NYNRIN: variants seen among roughly 807,000 people sequenced by gnomAD.
NYNRIN encodes the protein NYN domain and retroviral integrase containing, also known as protein NYNRIN.
Under a neutral mutation model 146.6 loss-of-function variants are expected in NYNRIN, and 86 were observed. That is an observed-to-expected ratio of 0.59 (90% CI 0.49 to 0.70). The LOEUF is 0.70. NYNRIN is among the 30% of genes least tolerant of loss of function. The pLI, the probability that NYNRIN is intolerant of heterozygous loss-of-function variation, is 0.00. For missense variants in NYNRIN, 2,191 were observed against 2,377.7 expected, an observed-to-expected ratio of 0.92 and a Z score of 1.63; for synonymous variants, 1,027 against 1,001.3, an observed-to-expected ratio of 1.03 and a Z score of -0.48.
At position 24,415,968 on chromosome 14, in the gene NYNRIN, C is replaced by T; in HGVS notation, c.4219C>T (p.His1407Tyr). 6.2e-7 allele frequency: 1 copy of T among 1,613,986 alleles called. No homozygotes were observed. Among genetic ancestry groups the T allele is most frequent in the Non-Finnish European group, 8.5e-7 (1 of 1,179,888 alleles). ...CTCCTCTGATGGGGCTCCACTCCCT[C>T]ACCCAAGCCTGCTCTCCTACATTAT... ...FLSSDGAPLP[H>Y]PSLLSYIISL... The change falls in exon 9 of 9, where the codon CAC becomes TAC. Residue 1407 changes from histidine to tyrosine, a missense_variant. Transcript: ENST00000382554.
intron 2 of NYNRIN, among the ~76,000 whole-genome samples, chr14:24,399,870 T>C (rs766125602): frequency 6.6e-6 from 1 of 152,198 alleles, no homozygotes; most frequent in Non-Finnish European, 1.5e-5. Flanking sequence ...CAGGTCCTTC[T>C]GTCTCCTTTT....
In NYNRIN at chr14:24,415,265, G is replaced by A. The variant is rs754257440; in HGVS notation, c.3516G>A (p.Thr1172=). ...LEVTVSHVAL[T]AILHQEHSGR... is the part of the protein sequence containing the mutation. ...TGACCGTGAGCCACGTGGCCCTGAC[G>A]GCCATCCTCCATCAGGAGCACTCAG... The change falls in exon 9 of 9, where the codon ACG becomes ACA. Residue 1172 remains threonine (T), a synonymous_variant. Transcript: ENST00000382554. The A allele has an allele frequency of 2.8e-5, 45 of 1,613,828 alleles. No homozygotes were observed. In the East Asian group the frequency reaches 8.7e-4, roughly 31 times the overall value.
chr14:24,404,624 G>C (rs1005961896), intron 2 of NYNRIN, among the ~76,000 whole-genome samples: 11 of 152,204 alleles, frequency 7.2e-5, no homozygotes, highest in Non-Finnish European at 1.3e-4. Context: ...GGGAGTGGAG[G>C]CTGTGGGCAA....
rs374730919 is a variant in NYNRIN, at chr14:24,415,596, C to G, written c.3847C>G (p.Arg1283Gly). The change falls in exon 9 of 9, where the codon CGC becomes GGC. Residue 1283 changes from arginine to glycine, a missense_variant. By Grantham distance (125) the Arg-to-Gly change is moderately radical. Around this residue, in one of 3 missense-constraint regions of NYNRIN, gnomAD observed 1,291 missense variants for 1,417.0 expected, o/e 0.91. Coordinates refer to ENST00000382554, the MANE Select transcript of NYNRIN (RefSeq NM_025081.3). ...CCTCCAGGGCCTGCTGGGGGAGAACCGCCTGCTCACCCCCGCGGCCTCCAT... is the reference window on the plus strand; with the variant it reads ...CCTCCAGGGCCTGCTGGGGGAGAACGGCCTGCTCACCCCCGCGGCCTCCAT... ...ALLQGLLGEN[R>G]LLTPAASMPR... 6.2e-7 allele frequency: 1 copy of G among 1,613,866 alleles called. No homozygotes were observed. Among genetic ancestry groups the G allele is most frequent in the African/African-American group, 1.3e-5 (1 of 74,932 alleles).
chr14:24,404,925 A>T (rs28444804), intron 2 of NYNRIN, among the ~76,000 whole-genome samples: 14,779 of 150,714 alleles, frequency 0.098, 707 homozygotes, highest in Non-Finnish European at 0.11. Flanking sequence ...ATCAACCTCG[A>T]CTCCTAAGAC....
Position 24,416,401 on chromosome 14 carries a change from T to C in NYNRIN, c.4652T>C (p.Ile1551Thr), listed in dbSNP as rs1261923874. The C allele has an allele frequency of 6.2e-7, 1 of 1,612,980 alleles. No individual in the cohort carries two copies. Among genetic ancestry groups the C allele is most frequent in the South Asian group, 1.1e-5 (1 of 90,934 alleles). Residue 1551 changes from isoleucine (I) to threonine (T), a missense_variant, in exon 9 of 9, where the codon ATT (isoleucine) becomes ACT (threonine). By Grantham distance (89) the Ile-to-Thr change is moderately conservative. Coordinates refer to ENST00000382554, the MANE Select transcript of NYNRIN (RefSeq NM_025081.3). ...RRDLIFSVHD[I>T]PLGAHQRPEE... ...GATCTGATTTTCTCTGTGCATGACATTCCCTTGGGGGCCCACCAGAGGCCC... is the reference window on the plus strand; with the variant it reads ...GATCTGATTTTCTCTGTGCATGACACTCCCTTGGGGGCCCACCAGAGGCCC...
intron 2 of NYNRIN, among the ~76,000 whole-genome samples, chr14:24,400,784 T>C (rs1391177379): frequency 6.6e-6 from 1 of 151,260 alleles, no homozygotes; most frequent in Non-Finnish European, 1.5e-5. Context: ...ACTTTCTTTT[T>C]CTTTTTTTTT....
At position 24,409,393 on chromosome 14, in the gene NYNRIN, A is replaced by G; in HGVS notation, c.1599A>G (p.Ser533=). The G allele has an allele frequency of 6.2e-7, 1 of 1,614,060 alleles. No homozygotes were observed. The highest frequency in any genetic ancestry group is 8.5e-7 in the Non-Finnish European group (1 of 1,179,908). Residue 533 remains serine (S), a synonymous_variant, in exon 4 of 9, where the codon TCA becomes TCG. Coordinates refer to ENST00000382554, the MANE Select transcript of NYNRIN (RefSeq NM_025081.3). The part of the protein sequence containing the change: ...PVAQGGLTDQ[S]VPGAQTVPET... ...CTCAAGGGGGGCTGACAGATCAGTC[A>G]GTACCTGGAGCTCAAACAGTGCCTG...
At chr14:24,406,925 T>C (rs1227198248) in intron 2 of NYNRIN, among the ~76,000 whole-genome samples, 1 of 152,254 alleles carries the variant, frequency 6.6e-6, no homozygotes, top group Non-Finnish European at 1.5e-5. Context: ...CTGTGAACTC[T>C]AGGACTTGGT....
chr14:24,400,514 C>T (rs991650926), intron 2 of NYNRIN, among the ~76,000 whole-genome samples: 1 of 152,202 alleles, frequency 6.6e-6, no homozygotes, highest in Non-Finnish European at 1.5e-5. Context: ...GCCAGCCAGC[C>T]TGGTAGGCAG....
In NYNRIN at chr14:24,416,996, G is replaced by A. The variant is rs1169150284; in HGVS notation, c.5247G>A (p.Arg1749=). The A allele has an allele frequency of 6.3e-7, 1 of 1,587,688 alleles. No homozygotes were observed. Among genetic ancestry groups the A allele is most frequent in the South Asian group, 1.1e-5 (1 of 87,294 alleles). The change falls in exon 9 of 9, where the codon AGG becomes AGA. Residue 1749 remains arginine, a synonymous_variant. Transcript: ENST00000382554. ...TGCCTTTGCTGCACCTGGCCTTCAG[G>A]GCCTCCTCCACTGATGCCACACCGT... ...ASLPLLHLAF[R]ASSTDATPFK... is the part of the protein sequence containing the mutation.
At position 24,411,497 on chromosome 14, in the gene NYNRIN, C is replaced by T. The variant is rs763454105; in HGVS notation, c.2642+47C>T. 3 of 1,536,964 alleles carry T rather than the reference C, an allele frequency of 2.0e-6. No homozygotes were observed. The highest frequency in any genetic ancestry group is 1.8e-6 in the Non-Finnish European group (2 of 1,110,830). On this transcript the variant is annotated intron_variant, in intron 6 of 8. Coordinates refer to ENST00000382554, the MANE Select transcript of NYNRIN (RefSeq NM_025081.3). The surrounding 1 kb of genome is among the most constrained non-coding windows in gnomAD (Gnocchi z 4.3). ...CCCTCCTGGGCTCAGGGAGTTGGGC[C>T]TGGCTGGTGTGTCAGGTGGAGTCCG...
At chr14:24,405,009 T>C (rs1452521303) in intron 2 of NYNRIN, among the ~76,000 whole-genome samples, 3 of 19,198 alleles carry the variant, frequency 1.6e-4, no homozygotes, top group Non-Finnish European at 4.5e-4. Context: ...TGTGTGTGTG[T>C]GTGTGTGTGT....
intron 2 of NYNRIN, among the ~76,000 whole-genome samples, chr14:24,404,918 A>G (rs1231514683): frequency 6.6e-6 from 1 of 152,040 alleles, no homozygotes; most frequent in Non-Finnish European, 1.5e-5. Context: ...TATGCTGATC[A>G]ACCTCGACTC....
In NYNRIN at chr14:24,409,862, G is replaced by T. The variant is rs1401601689; in HGVS notation, c.2068G>T (p.Ala690Ser). ...TPAAQKVPTD[A>S]GPTLDVARLL... ...TGCAGCTCAGAAGGTGCCCACGGAT[G>T]CAGGGCCAACCTTGGATGTAGCCAG... The change falls in exon 4 of 9, where the codon GCA becomes TCA. Residue 690 changes from alanine (A) to serine (S), a missense_variant. This residue lies in a region of NYNRIN where 895 missense variants were observed against 941.2 expected (regional missense o/e 0.95). Coordinates refer to ENST00000382554, the MANE Select transcript of NYNRIN (RefSeq NM_025081.3). 1.9e-6 allele frequency: 3 copies of T among 1,613,316 alleles called. No homozygotes were observed. Among genetic ancestry groups the T allele is most frequent in the African/African-American group, 2.7e-5 (2 of 74,942 alleles).
chr14:24,406,996 G>T (rs1013114013), intron 2 of NYNRIN, among the ~76,000 whole-genome samples: 1 of 152,238 alleles, frequency 6.6e-6, no homozygotes, highest in Non-Finnish European at 1.5e-5. Context: ...GCGGGTGCAG[G>T]GGTTCCCCTG....
At chr14:24,402,715 G>GT (rs1318181002) in intron 2 of NYNRIN, among the ~76,000 whole-genome samples, 1 of 152,132 alleles carries the variant, frequency 6.6e-6, no homozygotes, top group Non-Finnish European at 1.5e-5. Flanking sequence ...ACAAATCAAG[G>GT]TTACCCCCCA....
intron 8 of NYNRIN, 124 bp from the exon 9 acceptor site, chr14:24,414,472 C>T (rs1275979779): frequency 1.4e-6 from 2 of 1,390,878 alleles, no homozygotes; most frequent in East Asian, 5.1e-5. Flanking sequence ...CTATGCCATG[C>T]AAGTTGTTGG....
At position 24,415,761 on chromosome 14, in the gene NYNRIN, C is replaced by A; in HGVS notation, c.4012C>A (p.Pro1338Thr). The A allele has an allele frequency of 6.2e-7, 1 of 1,613,982 alleles. No individual in the cohort carries two copies. The highest frequency in any genetic ancestry group is 8.5e-7 in the Non-Finnish European group (1 of 1,179,872). ...GLYVLSPTSP[P>T]VSLSFSCSPY... ...CTATGTTCTATCGCCCACCAGCCCC[C>A]CTGTCTCCCTTTCCTTCTCCTGCTC... The change falls in exon 9 of 9, where the codon CCT (proline) becomes ACT (threonine). Residue 1338 changes from proline (P) to threonine (T), a missense_variant. Pro to Thr is a conservative substitution (Grantham distance 38, BLOSUM62 -1). Coordinates refer to ENST00000382554, the MANE Select transcript of NYNRIN (RefSeq NM_025081.3).
Sources: allele counts gnomAD v4.1 joint callset (sites outside exome capture counted in the v4.1 genomes callset), GRCh38; gene constraint gnomAD v4.1.1; regional missense constraint gnomAD v4.1.1; non-coding constraint Gnocchi (gnomAD v3.1); transcripts MANE v1.5; gene names NCBI Gene and HGNC (gene_info 2026-07-23, HGNC 2026-07-21).